Variants in RBFOX1 observed in about 807,000 individuals in gnomAD.
RBFOX1 encodes the protein RNA binding protein fox-1 homolog 1.
Under a neutral mutation model 57.7 loss-of-function variants are expected in RBFOX1, and 8 were observed. The ratio of observed to expected loss-of-function variants is 0.14; its 90% CI spans 0.08 to 0.25. The LOEUF (loss-of-function observed/expected upper bound fraction) is 0.25, where lower values mean the gene tolerates loss of function less well. Ranked by LOEUF, RBFOX1 falls within the 10% of genes least tolerant of loss-of-function variation. The pLI is 1.00. For missense variants in RBFOX1, 611 were observed against 548.5 expected (o/e 1.11, Z -1.14); for synonymous variants, 326 against 222.4 (o/e 1.47, Z -4.15).
chr16:6,808,724 C>A (rs1367627999), intron 3 of RBFOX1, among the ~76,000 whole-genome samples: 1 of 152,128 alleles, frequency 6.6e-6, no homozygotes, highest in Non-Finnish European at 1.5e-5. Flanking sequence ...CCAGGTAATA[C>A]TGTTCTTTTC....
chr16:5,817,681 A>G (rs1300937149), intron 3 of RBFOX1, among the ~76,000 whole-genome samples: 1 of 146,696 alleles, frequency 6.8e-6, no homozygotes, highest in African/African-American at 2.5e-5. Context: ...GCCTGCAGTG[A>G]TGGGTCTTGT....
At chr16:5,425,642 G>A (rs2067536718) in intron 1 of RBFOX1, among the ~76,000 whole-genome samples, 1 of 152,192 alleles carries the variant, frequency 6.6e-6, no homozygotes, top group Non-Finnish European at 1.5e-5. Context: ...CGGGAAATAA[G>A]TCTGGCTGAG....
chr16:6,897,867 T>A (rs945198242), intron 3 of RBFOX1, among the ~76,000 whole-genome samples: 1 of 152,134 alleles, frequency 6.6e-6, no homozygotes, highest in Non-Finnish European at 1.5e-5. Flanking sequence ...CATCCATCTG[T>A]CCCTTCATAC....
At chr16:6,603,544 GC>G in intron 2 of RBFOX1, among the ~76,000 whole-genome samples, 1 of 152,220 alleles carries the variant, frequency 6.6e-6, no homozygotes, top group South Asian at 2.1e-4. Flanking sequence ...GCATGCCTTA[GC>G]CCCACTCCAC....
rs151065531 is a variant in RBFOX1, at chr16:6,848,415, G to T, written c.-16+193765G>T. Among the ~76,000 whole-genome samples the T allele has an allele frequency of 5.7e-4, 87 of 152,218 alleles. 1 individual carries two copies. In the East Asian group the frequency reaches 0.016, roughly 28 times the overall value. ...AAAGTTTTATGAAAATGCTTTGCAT[G>T]CCAAACAAACACTTCTGTTGACCAC... On this transcript the variant is annotated intron_variant, in intron 3 of 15. Transcript: ENST00000550418.
intron 14 of RBFOX1, among the ~76,000 whole-genome samples, chr16:7,701,557 T>C (rs59495431): frequency 0.03 from 4,531 of 152,274 alleles, 212 homozygotes; most frequent in African/African-American, 0.095. Context: ...AAAAACTGTC[T>C]TCTACAAAAC....
At chr16:6,425,618 A>C (rs2093903510) in intron 2 of RBFOX1, among the ~76,000 whole-genome samples, 1 of 152,088 alleles carries the variant, frequency 6.6e-6, no homozygotes, top group African/African-American at 2.4e-5. Flanking sequence ...TTTTTTGTGA[A>C]GAAAATTGTT....
chr16:5,679,053 C>G (rs1026786776), intron 3 of RBFOX1, among the ~76,000 whole-genome samples: 1 of 152,196 alleles, frequency 6.6e-6, no homozygotes, highest in Non-Finnish European at 1.5e-5. Flanking sequence ...CAGTTAATCA[C>G]TTTTATGAAA....
At chr16:6,504,659 C>T (rs774879062) in intron 2 of RBFOX1, among the ~76,000 whole-genome samples, 1 of 152,134 alleles carries the variant, frequency 6.6e-6, no homozygotes, top group Non-Finnish European at 1.5e-5. Context: ...TGTCCCACTG[C>T]CATGTTTTCC....
chr16:5,337,562 G>A (rs1372472453), intron 1 of RBFOX1, among the ~76,000 whole-genome samples: 1 of 152,222 alleles, frequency 6.6e-6, no homozygotes, highest in East Asian at 1.9e-4. Flanking sequence ...ACAATATATG[G>A]CATAAAATAA....
chr16:7,670,606 A>C (rs960604225), intron 13 of RBFOX1, among the ~76,000 whole-genome samples: 7 of 152,140 alleles, frequency 4.6e-5, no homozygotes, highest in South Asian at 2.1e-4. Context: ...CTAGGAGCGA[A>C]AGGAGGAGAG....
chr16:5,306,912 T>C (rs1381730645), intron 1 of RBFOX1, among the ~76,000 whole-genome samples: 1 of 152,186 alleles, frequency 6.6e-6, no homozygotes, highest in Non-Finnish European at 1.5e-5. Flanking sequence ...TCAAGGAGAA[T>C]CATGTCTAGA....
intron 4 of RBFOX1, among the ~76,000 whole-genome samples, chr16:5,914,428 G>C (rs1206596673): frequency 6.6e-6 from 1 of 152,140 alleles, no homozygotes; most frequent in African/African-American, 2.4e-5. Flanking sequence ...TGAGGCTAGA[G>C]AATCCCCTTC....
At chr16:7,621,482 G>C (rs778783706) in intron 10 of RBFOX1, among the ~76,000 whole-genome samples, 1 of 152,012 alleles carries the variant, frequency 6.6e-6, no homozygotes, top group Non-Finnish European at 1.5e-5. Context: ...GGCTGGTCTT[G>C]AACTCCTGGC....
intron 1 of RBFOX1, among the ~76,000 whole-genome samples, chr16:6,136,564 A>G (rs1275897737): frequency 6.6e-6 from 1 of 152,136 alleles, no homozygotes; most frequent in Non-Finnish European, 1.5e-5. Flanking sequence ...AGTTCTGTGC[A>G]TTTCTTCAGA....
intron 4 of RBFOX1, among the ~76,000 whole-genome samples, chr16:7,283,907 C>G (rs909594080): frequency 1.3e-5 from 2 of 152,194 alleles, no homozygotes; most frequent in Non-Finnish European, 2.9e-5. Flanking sequence ...GGAGCATATT[C>G]GTCATTCCAA....
chr16:6,640,911 C>T (rs1450613995), intron 2 of RBFOX1, among the ~76,000 whole-genome samples: 1 of 152,058 alleles, frequency 6.6e-6, no homozygotes, highest in African/African-American at 2.4e-5. Context: ...CCAGAAACCC[C>T]AGGTAGGCTT....
chr16:7,232,723 C>T (rs2058948215), intron 4 of RBFOX1, among the ~76,000 whole-genome samples: 1 of 151,932 alleles, frequency 6.6e-6, no homozygotes, highest in Admixed American at 6.6e-5. Context: ...TGCCTGTAGT[C>T]CCAGCTACTG....
At chr16:7,265,964 G>GTTTTTTT (rs1204871254) in intron 4 of RBFOX1, among the ~76,000 whole-genome samples, 2 of 70,236 alleles carry the variant, frequency 2.8e-5, no homozygotes, top group East Asian at 4.3e-4. Context: ...GTGGGTTTTT[G>GTTTTTTT]TTTTTTTTTT....
Sources: allele counts gnomAD v4.1 joint callset (sites outside exome capture counted in the v4.1 genomes callset), GRCh38; gene constraint gnomAD v4.1.1; transcripts MANE v1.5; gene names NCBI Gene and HGNC (gene_info 2026-07-23, HGNC 2026-07-21).